The following CUL1 variants were observed in gnomAD, a reference collection of about 807,000 sequenced individuals.
CUL1 encodes cullin 1, also known as cullin-1.
Under a neutral mutation model 118.0 loss-of-function variants are expected in CUL1, and 24 were observed. That is an observed-to-expected ratio of 0.20 (90% CI 0.15 to 0.29). The LOEUF (loss-of-function observed/expected upper bound fraction) is 0.29, where lower values mean the gene tolerates loss of function less well. Among genes scored for constraint, CUL1 ranks in the 10% least tolerant of loss-of-function variants. CUL1 has a pLI of 1.00. For missense variants in CUL1, 361 were observed against 933.8 expected (o/e 0.39, Z 7.99); for synonymous variants, 332 against 340.4 (o/e 0.98, Z 0.27).
chr7:148,794,639 A>G (rs1801124150), intron 17 of CUL1, among the ~76,000 whole-genome samples: 1 of 152,216 alleles, frequency 6.6e-6, no homozygotes. Flanking sequence ...CACTGAATCT[A>G]TAGATTGCTT....
chr7:148,766,777 T>C (rs1199856760), intron 8 of CUL1, 54 bp downstream of exon 8: 1 of 1,467,970 alleles, frequency 6.8e-7, no homozygotes, highest in African/African-American at 1.4e-5. Flanking sequence ...GTAGTTTTGA[T>C]ATTGCTTTTG....
chr7:148,789,647 A>G, intron 14 of CUL1, 103 bp from the exon 15 acceptor site: 1 of 826,334 alleles, frequency 1.2e-6, no homozygotes, highest in Non-Finnish European at 2.0e-6. Context: ...GTGCTTTTTA[A>G]TAAAGAGCAA....
At chr7:148,733,569 TCTC>T (rs1798837533) in intron 2 of CUL1, among the ~76,000 whole-genome samples, 1 of 152,228 alleles carries the variant, frequency 6.6e-6, no homozygotes, top group Non-Finnish European at 1.5e-5. Context: ...TTTAAAATAA[TCTC>T]CTAAAGGCTT....
At chr7:148,735,866 C>G (rs553846217) in intron 2 of CUL1, among the ~76,000 whole-genome samples, 1 of 152,118 alleles carries the variant, frequency 6.6e-6, no homozygotes, top group Non-Finnish European at 1.5e-5. Context: ...GAAAAATGTT[C>G]AACCTTATAA....
chr7:148,711,443 C>A (rs768998045), intron 1 of CUL1, among the ~76,000 whole-genome samples: 7 of 152,152 alleles, frequency 4.6e-5, no homozygotes, highest in Non-Finnish European at 8.8e-5. Flanking sequence ...GAGCATCTTA[C>A]CAGAAAGAGG....
rs75432802 is a variant in CUL1 at position 148,726,621 on chromosome 7, A to G, written c.-161-3341A>G. 5.0e-3 allele frequency among the ~76,000 whole-genome samples: 765 copies of G among 152,288 alleles called. 4 individuals are homozygous for G. The highest frequency in any genetic ancestry group is 0.016 in the African/African-American group (684 of 41,556). On this transcript the variant is annotated intron_variant, in intron 1 of 21. Coordinates refer to ENST00000325222, the MANE Select transcript of CUL1 (RefSeq NM_003592.3). The stretch of plus-strand genomic sequence containing the variant: ...GAACCTAAAATTCAGACTAGAGTGT[A>G]CTAGTTTGTGGTCCTGCTACTTTGT...
chr7:148,767,854 C>A (rs1800057295), intron 9 of CUL1, 105 bp downstream of exon 9: 1 of 1,112,066 alleles, frequency 9.0e-7, no homozygotes, highest in South Asian at 1.5e-5. Flanking sequence ...GTACCATTTT[C>A]ATTAGAACTC....
At chr7:148,790,167 G>C (rs1192989387) in intron 15 of CUL1, 143 bp from the exon 16 acceptor site, 2 of 884,154 alleles carry the variant, frequency 2.3e-6, no homozygotes, top group East Asian at 2.4e-5. Flanking sequence ...TTACAAGAGA[G>C]GCAGACACCT....
chr7:148,712,812 C>T (rs894532455), intron 1 of CUL1, among the ~76,000 whole-genome samples: 12 of 152,196 alleles, frequency 7.9e-5, no homozygotes, highest in African/African-American at 2.7e-4. Flanking sequence ...GGAGCCAGAA[C>T]TGTGAAGTTC....
At position 148,714,306 on chromosome 7, in the gene CUL1, G is replaced by A. The variant is rs776111309; in HGVS notation, c.-162+15277G>A. ...CTCACATACTTAACATTTTTTTGTG[G>A]TAAGAACTTTTAAGATGTACTATAA... On this transcript the variant is annotated intron_variant, in intron 1 of 21. Coordinates refer to ENST00000325222, the MANE Select transcript of CUL1 (RefSeq NM_003592.3). 9.7e-4 allele frequency among the ~76,000 whole-genome samples: 147 copies of A among 152,222 alleles called. 2 individuals are homozygous for A. The highest frequency in any genetic ancestry group is 6.8e-3 in the Middle Eastern group (2 of 294).
intron 11 of CUL1, 44 bp downstream of exon 11, chr7:148,784,121 C>A (rs1323124291): frequency 1.4e-6 from 2 of 1,469,268 alleles, no homozygotes; most frequent in Non-Finnish European, 1.9e-6. Flanking sequence ...TGTTTAAAAT[C>A]TCAGCTTTTA....
upstream of CUL1, chr7:148,698,001 G>A (rs1797577797): frequency 6.6e-6 from 1 of 152,246 alleles, no homozygotes; most frequent in African/African-American, 2.4e-5. Flanking sequence ...GAAGGATAGA[G>A]TGAATGTCAA....
chr7:148,716,731 T>A (rs1367323400), intron 1 of CUL1, among the ~76,000 whole-genome samples: 1 of 152,262 alleles, frequency 6.6e-6, no homozygotes, highest in Non-Finnish European at 1.5e-5. Context: ...TTTACTTTCT[T>A]ATCAGTATGT....
intron 3 of CUL1, among the ~76,000 whole-genome samples, chr7:148,755,380 T>G (rs560308624): frequency 3.9e-5 from 6 of 152,244 alleles, no homozygotes; most frequent in Admixed American, 1.3e-4. Context: ...TAAATATTTT[T>G]TATTTACACA....
chr7:148,709,703 G>A (rs547785003), intron 1 of CUL1, among the ~76,000 whole-genome samples: 2 of 152,326 alleles, frequency 1.3e-5, no homozygotes, highest in South Asian at 4.1e-4. Flanking sequence ...GGGCAGTGAA[G>A]ACTATGGTAT....
chr7:148,761,836 T>G (rs1799841216), intron 7 of CUL1, among the ~76,000 whole-genome samples: 1 of 152,194 alleles, frequency 6.6e-6, no homozygotes, highest in Admixed American at 6.5e-5. Flanking sequence ...CCTTTTGGCA[T>G]CACAGACGGT....
intron 2 of CUL1, among the ~76,000 whole-genome samples, chr7:148,736,615 A>C (rs1470357482): frequency 2.0e-5 from 3 of 152,240 alleles, no homozygotes; most frequent in Non-Finnish European, 2.9e-5. Flanking sequence ...TTCTAGAGAC[A>C]TAAAAATGTA....
At chr7:148,755,113 G>A (rs1799614570) in intron 3 of CUL1, among the ~76,000 whole-genome samples, 1 of 152,218 alleles carries the variant, frequency 6.6e-6, no homozygotes, top group African/African-American at 2.4e-5. Context: ...GTTTCACTGT[G>A]AATATCCATT....
chr7:148,771,667 C>G (rs1485448593), intron 9 of CUL1, among the ~76,000 whole-genome samples: 1 of 152,174 alleles, frequency 6.6e-6, no homozygotes, highest in Non-Finnish European at 1.5e-5. Flanking sequence ...ACTGGGGCAC[C>G]AGGAGGACTT....
Sources: gnomAD v4.1 joint callset for allele counts (sites outside exome capture counted in the v4.1 genomes callset) on GRCh38, gnomAD v4.1.1 for gene constraint, MANE v1.5 for transcripts, NCBI Gene and HGNC (gene_info 2026-07-23, HGNC 2026-07-21) for gene names.